SDHC: variants seen among roughly 807,000 people sequenced by gnomAD.
The protein encoded by SDHC is succinate dehydrogenase complex subunit C, also known as succinate dehydrogenase cytochrome b560 subunit, mitochondrial.
SDHC carries 11 observed loss-of-function variants against 22.6 expected under a neutral mutation model. That is an observed-to-expected ratio of 0.49 (90% CI 0.31 to 0.81). The LOEUF is 0.81. Among genes scored for constraint, SDHC ranks in the 30% least tolerant of loss-of-function variants. The pLI is 0.05. For synonymous variants in SDHC, 80 were observed against 77.8 expected, an observed-to-expected ratio of 1.03 and a Z score of -0.15; for missense variants, 160 against 212.0, an observed-to-expected ratio of 0.75 and a Z score of 1.52.
chr1:161,354,604 CTCT>C (rs1228797617), intron 4 of SDHC, among the ~76,000 whole-genome samples: 2 of 149,180 alleles, frequency 1.3e-5, no homozygotes, highest in Non-Finnish European at 3.0e-5. Context: ...AACAACTGGC[CTCT>C]TCTTTTTTTC....
At chr1:161,352,255 A>G (rs1672122729) in intron 4 of SDHC, among the ~76,000 whole-genome samples, 1 of 152,168 alleles carries the variant, frequency 6.6e-6, no homozygotes, top group Admixed American at 6.6e-5. Context: ...GCTTTGGCTA[A>G]AGTAGCTTTC....
intron 3 of SDHC, among the ~76,000 whole-genome samples, chr1:161,329,727 A>T (rs530905056): frequency 1.2e-4 from 18 of 152,258 alleles, no homozygotes; most frequent in Non-Finnish European, 2.2e-4. Context: ...TTAGGTTAGA[A>T]GTACAACACA....
At chr1:161,316,724 A>G (rs931294875) in intron 1 of SDHC, among the ~76,000 whole-genome samples, 2 of 152,184 alleles carry the variant, frequency 1.3e-5, no homozygotes, top group Non-Finnish European at 2.9e-5. Flanking sequence ...TAAATGAGGA[A>G]TTAAAAATTT....
chr1:161,360,004 A>C (rs892558985), intron 5 of SDHC, among the ~76,000 whole-genome samples: 1 of 150,646 alleles, frequency 6.6e-6, no homozygotes, highest in South Asian at 2.1e-4. Flanking sequence ...TTGAGGGTTG[A>C]GGTGGAGGCA....
chr1:161,356,123 G>C (rs1455282033), intron 4 of SDHC, among the ~76,000 whole-genome samples: 1 of 152,104 alleles, frequency 6.6e-6, no homozygotes, highest in African/African-American at 2.4e-5. Flanking sequence ...GGCAAGTGAA[G>C]TTTTTATAGA....
intron 3 of SDHC, among the ~76,000 whole-genome samples, chr1:161,334,093 C>T (rs1266749587): frequency 1.3e-5 from 2 of 152,180 alleles, no homozygotes; most frequent in African/African-American, 2.4e-5. Flanking sequence ...TCTCCCTGGG[C>T]TAAAATCAAG....
intron 1 of SDHC, among the ~76,000 whole-genome samples, chr1:161,320,506 G>C (rs1670799838): frequency 6.6e-6 from 1 of 152,080 alleles, no homozygotes. Flanking sequence ...ATGGTATTCA[G>C]TTTGATCACA....
chr1:161,356,932 C>CTT (rs199612101), intron 5 of SDHC, 92 bp downstream of exon 5: 1,183 of 1,062,554 alleles, frequency 1.1e-3, no homozygotes, highest in East Asian at 7.8e-3. Flanking sequence ...TAGTGCTGTT[C>CTT]TTTTTTTTTT....
intron 2 of SDHC, among the ~76,000 whole-genome samples, chr1:161,324,138 T>A (rs983892606): frequency 3.3e-5 from 5 of 152,156 alleles, no homozygotes; most frequent in Admixed American, 2.6e-4. Context: ...TGTGTATGTG[T>A]GTTGTTTGTT....
intron 4 of SDHC, among the ~76,000 whole-genome samples, 188 bp from the exon 5 acceptor site, chr1:161,356,489 A>G (rs1326071697): frequency 2.0e-5 from 3 of 152,176 alleles, no homozygotes; most frequent in Non-Finnish European, 4.4e-5. Flanking sequence ...CAGTGAGCCA[A>G]GATTGCACCA....
At chr1:161,330,520 T>C (rs919690056) in intron 3 of SDHC, among the ~76,000 whole-genome samples, 1 of 152,248 alleles carries the variant, frequency 6.6e-6, no homozygotes, top group Non-Finnish European at 1.5e-5. Context: ...GGCTTTGCCC[T>C]CTGGGCTTAT....
intron 5 of SDHC, among the ~76,000 whole-genome samples, chr1:161,358,233 A>T (rs4477296): frequency 0.12 from 17,274 of 149,070 alleles, 1,372 homozygotes; most frequent in African/African-American, 0.22. Context: ...TTTTTAGTAG[A>T]GACGGGATTT....
intron 3 of SDHC, among the ~76,000 whole-genome samples, chr1:161,329,701 A>G (rs4272646): frequency 0.13 from 20,266 of 152,218 alleles, 1,709 homozygotes; most frequent in African/African-American, 0.23. Context: ...ACACAGATGT[A>G]TTGTCTTACC....
At chr1:161,361,851 A>AAC (rs1672524374) in intron 5 of SDHC, among the ~76,000 whole-genome samples, 1 of 151,716 alleles carries the variant, frequency 6.6e-6, no homozygotes, top group African/African-American at 2.4e-5. Context: ...TCAAAAAAAA[A>AAC]AAAAAAAAAA....
intron 4 of SDHC, among the ~76,000 whole-genome samples, chr1:161,343,844 CT>C (rs1283889304): frequency 6.6e-6 from 1 of 152,084 alleles, no homozygotes; most frequent in Non-Finnish European, 1.5e-5. Flanking sequence ...AAGATACTGA[CT>C]TTTTTATAGA....
intron 5 of SDHC, among the ~76,000 whole-genome samples, chr1:161,357,560 C>T (rs907224478): frequency 2.6e-5 from 4 of 151,610 alleles, no homozygotes; most frequent in South Asian, 2.1e-4. Context: ...CCACCACGCC[C>T]GGCTAATTTT....
chr1:161,354,085 G>A (rs1321661884), intron 4 of SDHC, among the ~76,000 whole-genome samples: 3 of 151,760 alleles, frequency 2.0e-5, no homozygotes, highest in Non-Finnish European at 2.9e-5. Context: ...TCCTGGGCCC[G>A]AGTAATCCTC....
At chr1:161,361,216 T>C (rs996639732) in intron 5 of SDHC, among the ~76,000 whole-genome samples, 2 of 151,888 alleles carry the variant, frequency 1.3e-5, no homozygotes, top group East Asian at 1.9e-4. Context: ...GGAGAAAATA[T>C]ATGTTTTTTA....
At position 161,339,425 on chromosome 1, in the gene SDHC, C is replaced by A. The variant is rs530136577; in HGVS notation, c.180-1169C>A. ...GACCTTGAACTCCTGAACTCAACGG[C>A]CCCCGCCTTGGCCTCCCAAAGTACT... On this transcript the variant is annotated intron_variant, in intron 3 of 5. Coordinates refer to ENST00000367975, the MANE Select transcript of SDHC (RefSeq NM_003001.5). 3.0e-5 allele frequency: 9 copies of A among 295,158 alleles called. No individual in the cohort carries two copies. The East Asian group carries it at 1.1e-3, about 37-fold the overall frequency. 18.3% of individuals were successfully genotyped at this position (295,158 alleles called of 1,614,324 possible). A position where few individuals can be genotyped will look rare whatever the true frequency, so the allele number is the denominator to read the frequency against.
Sources: allele counts gnomAD v4.1 joint callset (sites outside exome capture counted in the v4.1 genomes callset), GRCh38; gene constraint gnomAD v4.1.1; transcripts MANE v1.5; gene names NCBI Gene and HGNC (gene_info 2026-07-23, HGNC 2026-07-21).